Variants in FAM184B observed in about 807,000 individuals in gnomAD.
FAM184B encodes the protein protein FAM184B.
FAM184B carries 111 observed loss-of-function variants against 135.9 expected under a neutral mutation model. That is an observed-to-expected ratio of 0.82 (90% CI 0.70 to 0.96). The LOEUF (loss-of-function observed/expected upper bound fraction) is 0.96. Ranked by LOEUF, FAM184B falls within the 40% of genes least tolerant of loss-of-function variation. The pLI, the probability that FAM184B is intolerant of heterozygous loss-of-function variation, is 0.00. For synonymous variants in FAM184B, 552 were observed against 524.8 expected (o/e 1.05, Z -0.71); for missense variants, 1,375 against 1,323.9 (o/e 1.04, Z -0.60).
At chr4:17,652,779 G>A in intron 11 of FAM184B, 51 bp downstream of exon 11, 1 of 1,521,968 alleles carries the variant, frequency 6.6e-7, no homozygotes, top group Non-Finnish European at 8.9e-7. Flanking sequence ...GTTTCTACAT[G>A]CAGACCCTGC....
At chr4:17,664,682 A>C (rs1166535018) in intron 7 of FAM184B, 23 bp from the exon 8 acceptor site, 2 of 1,303,684 alleles carry the variant, frequency 1.5e-6, no homozygotes, top group African/African-American at 4.4e-5. Flanking sequence ...AAGAAAAAGA[A>C]AAAAAAAAAA....
intron 7 of FAM184B, among the ~76,000 whole-genome samples, chr4:17,670,792 C>A (rs981030025): frequency 6.6e-6 from 1 of 152,174 alleles, no homozygotes. Flanking sequence ...TGGAGGGTGG[C>A]ACAAAATCTA....
intron 1 of FAM184B, among the ~76,000 whole-genome samples, chr4:17,755,473 G>A (rs1038362248): frequency 6.6e-6 from 1 of 152,216 alleles, no homozygotes; most frequent in African/African-American, 2.4e-5. Flanking sequence ...CTGTAAATTA[G>A]TTCAACCATT....
intron 1 of FAM184B, among the ~76,000 whole-genome samples, chr4:17,733,835 G>T (rs1717845298): frequency 6.6e-6 from 1 of 152,070 alleles, no homozygotes; most frequent in African/African-American, 2.4e-5. Flanking sequence ...CTACTTTAAA[G>T]TTCATATGGA....
chr4:17,742,701 A>G (rs2108984058), intron 1 of FAM184B, among the ~76,000 whole-genome samples: 1 of 152,338 alleles, frequency 6.6e-6, no homozygotes, highest in South Asian at 2.1e-4. Context: ...GGCTTCAGGG[A>G]AAGATCACCT....
chr4:17,695,018 G>C (rs1716819185), intron 5 of FAM184B, among the ~76,000 whole-genome samples: 2 of 151,990 alleles, frequency 1.3e-5, no homozygotes, highest in South Asian at 4.1e-4. Context: ...AATGTTCTAA[G>C]GACAGAGAGG....
Position 17,781,084 on chromosome 4 carries a change from G to A in FAM184B, c.141+75C>T. 3.5e-6 allele frequency: 5 copies of A among 1,425,914 alleles called. No homozygotes were observed. The highest frequency in any genetic ancestry group is 4.6e-6 in the Non-Finnish European group (5 of 1,085,040). 88.3% of individuals were successfully genotyped at this position (1,425,914 alleles called of 1,614,324 possible). On this transcript the variant is annotated intron_variant, in intron 1 of 17. Transcript: ENST00000265018. This position sits in a 1 kb window ranked among gnomAD's most constrained non-coding sequence, Gnocchi z 6.5. ...TCTGGATTTGGCCCGGGCCTCCCGG[G>A]AGGCGCATCCGCACTGACTCCCGGC...
intron 10 of FAM184B, among the ~76,000 whole-genome samples, chr4:17,658,105 C>T (rs548445759): frequency 1.3e-5 from 2 of 152,194 alleles, no homozygotes; most frequent in Admixed American, 6.5e-5. Flanking sequence ...GGTGGGGAAA[C>T]GTAGCACAAG....
chr4:17,763,270 C>A (rs1718585483), intron 1 of FAM184B, among the ~76,000 whole-genome samples: 1 of 152,116 alleles, frequency 6.6e-6, no homozygotes, highest in African/African-American at 2.4e-5. Flanking sequence ...CCTGGGACAA[C>A]ACCTCATAGG....
intron 7 of FAM184B, among the ~76,000 whole-genome samples, chr4:17,671,935 A>C (rs1716177303): frequency 8.2e-6 from 1 of 122,162 alleles, no homozygotes; most frequent in Non-Finnish European, 1.8e-5. Flanking sequence ...ACTGGAAATA[A>C]TTCAGTCAAA....
intron 1 of FAM184B, among the ~76,000 whole-genome samples, chr4:17,779,627 A>T (rs1374274511): frequency 1.3e-5 from 2 of 152,244 alleles, no homozygotes; most frequent in Admixed American, 6.5e-5. Context: ...TGCCATCAAC[A>T]TTCAGCATAG....
At chr4:17,668,693 C>G (rs888588884) in intron 7 of FAM184B, among the ~76,000 whole-genome samples, 2 of 152,056 alleles carry the variant, frequency 1.3e-5, no homozygotes, top group Non-Finnish European at 2.9e-5. Context: ...ACAACACGCC[C>G]GGCTAATTTT....
intron 8 of FAM184B, among the ~76,000 whole-genome samples, chr4:17,661,804 T>G (rs1444219616): frequency 1.3e-5 from 2 of 152,146 alleles, no homozygotes; most frequent in Non-Finnish European, 2.9e-5. Flanking sequence ...AGGTAAGCAC[T>G]CCCAGTGAGT....
chr4:17,767,939 A>C (rs1411013815), intron 1 of FAM184B, among the ~76,000 whole-genome samples: 51 of 152,318 alleles, frequency 3.3e-4, no homozygotes, highest in Admixed American at 3.3e-3. Context: ...TAAAGGTAGT[A>C]GTTCTAGGCT....
rs34886078 is a variant in FAM184B, at chr4:17,641,643, C to CTTT, written c.2519+410_2519+412dup. Among the ~76,000 whole-genome samples the CTTT allele has an allele frequency of 1.4e-3, 35 of 24,370 alleles. 1 individual carries two copies. Among genetic ancestry groups the CTTT allele is most frequent in the African/African-American group, 3.9e-3 (25 of 6,424 alleles). 16.0% of individuals were successfully genotyped at this position (24,370 alleles called of 152,430 possible). On this transcript the variant is annotated intron_variant, in intron 13 of 17. Coordinates refer to ENST00000265018, the MANE Select transcript of FAM184B (RefSeq NM_015688.2). ...ACAGGCACACACCACCACGCCCGGCCTTTTTTTTTTTTTTTTTTTTTTTTT... is the reference window on the plus strand; with the variant it reads ...ACAGGCACACACCACCACGCCCGGCCTTTTTTTTTTTTTTTTTTTTTTTTTTTT...
rs150490230 is a variant in FAM184B, at chr4:17,746,394, T to C, written c.141+34765A>G. 1.1e-4 allele frequency among the ~76,000 whole-genome samples: 16 copies of C among 152,268 alleles called. No homozygotes were observed. The East Asian group carries it at 2.9e-3, about 28-fold the overall frequency. On this transcript the variant is annotated intron_variant, in intron 1 of 17. Transcript: ENST00000265018. Reference sequence around the variant, plus strand: ...TCACTGTTTTAGCCAATGGTTCTTCTACTTCAGCATACAGAAGAGTCCCTT... The same window carrying C: ...TCACTGTTTTAGCCAATGGTTCTTCCACTTCAGCATACAGAAGAGTCCCTT...
chr4:17,705,775 T>C lies in FAM184B; in HGVS notation c.1147A>G (p.Met383Val). Residue 383 changes from methionine to valine, a missense_variant, in exon 4 of 18, where the codon ATG (methionine) becomes GTG (valine). Transcript: ENST00000265018. ...DQSCLKECPC[M>V]KGGTDMQTKK... ...ACCTGCATATCTGTGCCTCCTTTCA[T>C]GCAAGGGCACTCCTTGAGACAGCTT... 6.4e-7 allele frequency: 1 copy of C among 1,551,862 alleles called. No individual in the cohort carries two copies.
intron 1 of FAM184B, among the ~76,000 whole-genome samples, chr4:17,744,464 C>CAT (rs1199117219): frequency 7.4e-6 from 1 of 134,630 alleles, no homozygotes; most frequent in African/African-American, 3.2e-5. Flanking sequence ...CTCTCTCTCA[C>CAT]ACACACACAC....
At chr4:17,684,891 A>G (rs1235552949) in intron 7 of FAM184B, among the ~76,000 whole-genome samples, 4 of 152,196 alleles carry the variant, frequency 2.6e-5, no homozygotes, top group African/African-American at 7.2e-5. Flanking sequence ...TGTCCTTTGC[A>G]GGGACATGGA....
Sources: gnomAD v4.1 joint callset for allele counts (sites outside exome capture counted in the v4.1 genomes callset) on GRCh38, gnomAD v4.1.1 for gene constraint, Gnocchi (gnomAD v3.1) non-coding constraint, MANE v1.5 for transcripts, NCBI Gene and HGNC (gene_info 2026-07-23, HGNC 2026-07-21) for gene names.